Variants in PLOD2 observed in about 807,000 individuals in gnomAD.
The protein encoded by PLOD2 is lysine hydroxylase 2.
In PLOD2, 65 loss-of-function variants were observed where a neutral mutation model predicts 101.0. The observed-to-expected ratio is 0.64, with a 90% CI of 0.53 to 0.79. PLOD2 has a LOEUF of 0.79. PLOD2 is among the 30% of genes least tolerant of loss of function. PLOD2 has a pLI of 0.00. For missense variants in PLOD2, 909 were observed against 914.6 expected, an observed-to-expected ratio of 0.99 and a Z score of 0.08; for synonymous variants, 314 against 302.9, an observed-to-expected ratio of 1.04 and a Z score of -0.38.
intron 3 of PLOD2, among the ~76,000 whole-genome samples, chr3:146,118,373 G>A (rs1212337237): frequency 6.6e-6 from 1 of 151,926 alleles, no homozygotes; most frequent in Non-Finnish European, 1.5e-5. Flanking sequence ...TGTATCTTTT[G>A]AAAATTTTTA....
chr3:146,146,582 GT>G (rs1414245380), intron 1 of PLOD2, among the ~76,000 whole-genome samples: 8 of 152,168 alleles, frequency 5.3e-5, no homozygotes, highest in Non-Finnish European at 1.2e-4. Flanking sequence ...AGCAAAGGCT[GT>G]GGCTGAATTC....
intron 3 of PLOD2, among the ~76,000 whole-genome samples, chr3:146,111,190 C>T (rs1372470429): frequency 6.6e-6 from 1 of 152,158 alleles, no homozygotes; most frequent in Non-Finnish European, 1.5e-5. Flanking sequence ...TTTTTCTACT[C>T]TGCAATAAGT....
chr3:146,072,624 T>C lies in PLOD2; in HGVS notation c.1785A>G (p.Lys595=), dbSNP rs758719698. The C allele has an allele frequency of 2.0e-5, 33 of 1,610,272 alleles. No individual in the cohort carries two copies. In the South Asian group the frequency reaches 3.1e-4, roughly 15 times the overall value. The change falls in exon 17 of 20, where the codon AAA becomes AAG. Residue 595 remains lysine, a synonymous_variant. Coordinates refer to ENST00000282903, the MANE Select transcript of PLOD2 (RefSeq NM_182943.3). ...DVFWFPIFSE[K]ACDELVEEME... ...TTTCTTCTACCAATTCATCACAGGC[T>C]TTTTCAGAAAATATGGGGAACCAAA...
intron 1 of PLOD2, among the ~76,000 whole-genome samples, chr3:146,153,590 T>C (rs1291063066): frequency 6.6e-6 from 1 of 152,100 alleles, no homozygotes; most frequent in African/African-American, 2.4e-5. Flanking sequence ...GAGCTTTTCT[T>C]CTCCCAGGCC....
intron 1 of PLOD2, among the ~76,000 whole-genome samples, chr3:146,140,787 T>C (rs1477339578): frequency 6.6e-6 from 1 of 152,036 alleles, no homozygotes; most frequent in Admixed American, 6.6e-5. Flanking sequence ...CAAACAAATA[T>C]AACCTCTTCT....
At chr3:146,092,381 T>C (rs1306602568) in intron 7 of PLOD2, among the ~76,000 whole-genome samples, 2 of 151,948 alleles carry the variant, frequency 1.3e-5, no homozygotes, top group Non-Finnish European at 2.9e-5. Context: ...AAATAAATAC[T>C]AAGTAAGCTT....
intron 1 of PLOD2, among the ~76,000 whole-genome samples, chr3:146,154,474 CAAA>C (rs35748974): frequency 2.1e-5 from 3 of 140,940 alleles, no homozygotes; most frequent in African/African-American, 2.6e-5. Context: ...AAAAGAACAG[CAAA>C]AAAAAAAAAA....
Position 146,124,194 on chromosome 3 carries a change from T to C in PLOD2, c.145A>G (p.Ser49Gly). 1.9e-6 allele frequency: 3 copies of C among 1,597,246 alleles called. No homozygotes were observed. In the South Asian group the frequency reaches 3.3e-5, roughly 18 times the overall value. The change falls in exon 2 of 20, where the codon AGT becomes GGT. Residue 49 changes from serine to glycine, a missense_variant. By Grantham distance (56) the Ser-to-Gly change is moderately conservative. Transcript: ENST00000282903. ...TGCATAAATCGATGGAATCCATCAC[T>C]TTCTTTTGTTGCTACAGTTATGACT... Reference protein sequence around the residue: ...LLVITVATKESDGFHRFMQSA... With the variant: ...LLVITVATKEGDGFHRFMQSA...
intron 11 of PLOD2, among the ~76,000 whole-genome samples, chr3:146,084,067 A>G (rs979169597): frequency 3.3e-5 from 5 of 151,930 alleles, no homozygotes; most frequent in African/African-American, 9.7e-5. Flanking sequence ...TAGCATTTCA[A>G]TCAAATTAAG....
At chr3:146,107,791 C>T (rs1357811057) in intron 4 of PLOD2, among the ~76,000 whole-genome samples, 1 of 151,620 alleles carries the variant, frequency 6.6e-6, no homozygotes, top group East Asian at 1.9e-4. Context: ...TTACAGGCAC[C>T]CATCACCATG....
At chr3:146,147,585 G>C (rs761414347) in intron 1 of PLOD2, among the ~76,000 whole-genome samples, 5 of 151,950 alleles carry the variant, frequency 3.3e-5, no homozygotes, top group Admixed American at 6.6e-5. Flanking sequence ...ACTTTAGCAG[G>C]GTCCCTGGAC....
intron 7 of PLOD2, among the ~76,000 whole-genome samples, chr3:146,100,852 T>G (rs1433557662): frequency 6.6e-6 from 1 of 152,136 alleles, no homozygotes; most frequent in Admixed American, 6.5e-5. Flanking sequence ...AAAATCATTA[T>G]ATAGGTGAGT....
intron 7 of PLOD2, among the ~76,000 whole-genome samples, chr3:146,096,608 C>T (rs1221937220): frequency 1.1e-5 from 1 of 94,340 alleles, no homozygotes; most frequent in East Asian, 3.7e-4. Flanking sequence ...TGTCTCTGCC[C>T]GGCCGCTCCG....
chr3:146,138,734 A>T (rs1011956977), intron 1 of PLOD2, among the ~76,000 whole-genome samples: 1 of 152,160 alleles, frequency 6.6e-6, no homozygotes, highest in Non-Finnish European at 1.5e-5. Context: ...CTTCAAATGT[A>T]ATAGCAAGCT....
At chr3:146,151,451 C>T (rs1361494593) in intron 1 of PLOD2, among the ~76,000 whole-genome samples, 4 of 151,950 alleles carry the variant, frequency 2.6e-5, no homozygotes, top group African/African-American at 9.7e-5. Context: ...GAGCCAAGAT[C>T]GCGCCATTGC....
At chr3:146,117,940 G>A (rs572258046) in intron 3 of PLOD2, among the ~76,000 whole-genome samples, 8 of 152,082 alleles carry the variant, frequency 5.3e-5, no homozygotes, top group Non-Finnish European at 7.4e-5. Context: ...ATAGGGGGCC[G>A]GAGGTGGGGG....
intron 1 of PLOD2, among the ~76,000 whole-genome samples, chr3:146,151,326 G>A (rs1426069787): frequency 2.0e-5 from 3 of 151,934 alleles, no homozygotes; most frequent in Admixed American, 6.6e-5. Context: ...AGAGAAACCC[G>A]GTCTCTTCTA....
At chr3:146,094,945 A>G (rs2108036151) in intron 7 of PLOD2, among the ~76,000 whole-genome samples, 1 of 152,302 alleles carries the variant, frequency 6.6e-6, no homozygotes, top group East Asian at 1.9e-4. Context: ...ATCTTCGACA[A>G]ACCTGACAAA....
chr3:146,122,393 C>T (rs1006573298), intron 2 of PLOD2, among the ~76,000 whole-genome samples: 5 of 152,192 alleles, frequency 3.3e-5, no homozygotes, highest in African/African-American at 1.2e-4. Flanking sequence ...TTGGACCCAA[C>T]GACATCTGAG....
Sources: allele counts gnomAD v4.1 joint callset (sites outside exome capture counted in the v4.1 genomes callset), GRCh38; gene constraint gnomAD v4.1.1; transcripts MANE v1.5; gene names NCBI Gene and HGNC (gene_info 2026-07-23, HGNC 2026-07-21).